Variants in QTMAN observed in about 807,000 individuals in gnomAD.
QTMAN encodes the protein queuosine-tRNA mannosyltransferase, also known as tRNA-queuosine alpha-mannosyltransferase.
the QTMAN span, among the ~76,000 whole-genome samples, chr2:144,293,600 A>T: frequency 1.3e-5 from 2 of 152,330 alleles, no homozygotes; most frequent in South Asian, 2.1e-4. Context: ...TTTCAAACTG[A>T]ACTAAGTAAA....
At chr2:144,108,249 G>C in the QTMAN span, among the ~76,000 whole-genome samples, 3 of 152,140 alleles carry the variant, frequency 2.0e-5, no homozygotes, top group African/African-American at 7.2e-5. Flanking sequence ...TGGAAGTTCT[G>C]GCCAGGGCAA....
chr2:144,221,819 A>G, the QTMAN span, among the ~76,000 whole-genome samples: 6 of 152,226 alleles, frequency 3.9e-5, no homozygotes, highest in Non-Finnish European at 8.8e-5. Flanking sequence ...ATAGTGCTAT[A>G]GCGATTCAAA....
chr2:144,015,229 T>TC, the QTMAN span, among the ~76,000 whole-genome samples: 1 of 151,582 alleles, frequency 6.6e-6, no homozygotes, highest in African/African-American at 2.4e-5. Flanking sequence ...CGATCCCCAC[T>TC]CCCCCCTAAA....
chr2:144,329,634 A>G, the QTMAN span, among the ~76,000 whole-genome samples: 283 of 152,362 alleles, frequency 1.9e-3, 2 homozygotes, highest in African/African-American at 6.4e-3. Context: ...TCCCAATATC[A>G]GAGTGACTAA....
the QTMAN span, among the ~76,000 whole-genome samples, chr2:144,273,452 A>G: frequency 1.8e-4 from 28 of 152,120 alleles, no homozygotes; most frequent in African/African-American, 6.8e-4. Context: ...AAAACAGGAA[A>G]CAAGGCTGCT....
the QTMAN span, among the ~76,000 whole-genome samples, chr2:143,969,674 C>A: frequency 6.6e-5 from 10 of 152,144 alleles, no homozygotes; most frequent in African/African-American, 9.7e-5. Context: ...AAAGAAAATG[C>A]CCCTGAGCTG....
chr2:144,085,689 T>C, the QTMAN span, among the ~76,000 whole-genome samples: 3 of 152,178 alleles, frequency 2.0e-5, no homozygotes, highest in Non-Finnish European at 4.4e-5. Flanking sequence ...AACCAGGTAC[T>C]GCTCCAGAAT....
the QTMAN span, among the ~76,000 whole-genome samples, chr2:144,311,319 T>C: frequency 6.6e-6 from 1 of 152,230 alleles, no homozygotes; most frequent in African/African-American, 2.4e-5. Context: ...TACATTTTAC[T>C]GTTTTAAATC....
the QTMAN span, among the ~76,000 whole-genome samples, chr2:144,218,916 A>T: frequency 9.7e-5 from 11 of 113,200 alleles, no homozygotes; most frequent in African/African-American, 3.5e-4. Context: ...GAAAGTATCT[A>T]AAAAAAAAAA....
the QTMAN span, among the ~76,000 whole-genome samples, chr2:144,261,253 A>G: frequency 6.6e-6 from 1 of 152,226 alleles, no homozygotes. Context: ...TTAAGAAACA[A>G]TCTTTAAGAA....
At chr2:143,994,882 G>T in the QTMAN span, among the ~76,000 whole-genome samples, 1 of 152,050 alleles carries the variant, frequency 6.6e-6, no homozygotes, top group Non-Finnish European at 1.5e-5. Context: ...TAAATTTTTT[G>T]ACATATAAAT....
the QTMAN span, among the ~76,000 whole-genome samples, chr2:144,042,064 T>C: frequency 6.6e-6 from 1 of 152,146 alleles, no homozygotes; most frequent in Non-Finnish European, 1.5e-5. Flanking sequence ...AAAAATGCTA[T>C]AGACAATTCT....
chr2:143,994,559 AGAAAG>A, the QTMAN span, among the ~76,000 whole-genome samples: 1 of 152,236 alleles, frequency 6.6e-6, no homozygotes, highest in African/African-American at 2.4e-5. Flanking sequence ...ATTCAGCATT[AGAAAG>A]GAAAGGACTA....
the QTMAN span, among the ~76,000 whole-genome samples, chr2:144,122,564 C>T: frequency 6.6e-6 from 1 of 152,100 alleles, no homozygotes; most frequent in African/African-American, 2.4e-5. Context: ...CTCTTTCAGC[C>T]TAAAGTTTTA....
At chr2:143,994,257 G>C in the QTMAN span, among the ~76,000 whole-genome samples, 1 of 152,102 alleles carries the variant, frequency 6.6e-6, no homozygotes, top group Non-Finnish European at 1.5e-5. Context: ...AGAAGAAGTA[G>C]CTCAATAAAC....
At chr2:144,188,747 A>C in the QTMAN span, among the ~76,000 whole-genome samples, 1 of 135,994 alleles carries the variant, frequency 7.4e-6, no homozygotes, top group East Asian at 2.3e-4. Context: ...TCCCTCAAAT[A>C]ATGAGAAAAA....
At chr2:144,246,428 CCGGG>C in the QTMAN span, among the ~76,000 whole-genome samples, 1 of 150,572 alleles carries the variant, frequency 6.6e-6, no homozygotes, top group African/African-American at 2.4e-5. Flanking sequence ...AAAAAATTAG[CCGGG>C]CGCGGTGGCG....
the QTMAN span, among the ~76,000 whole-genome samples, chr2:144,061,985 G>A: frequency 7.9e-5 from 12 of 152,112 alleles, no homozygotes; most frequent in Non-Finnish European, 1.6e-4. Context: ...ATCCTGCTGA[G>A]AGCCACCTCC....
At chr2:143,979,145 G>A in the QTMAN span, among the ~76,000 whole-genome samples, 1 of 151,542 alleles carries the variant, frequency 6.6e-6, no homozygotes, top group Non-Finnish European at 1.5e-5. Flanking sequence ...GAAAAATACA[G>A]TAATGTAACA....
Sources: allele counts gnomAD v4.1 joint callset (sites outside exome capture counted in the v4.1 genomes callset), GRCh38; gene constraint gnomAD v4.1.1; transcripts MANE v1.5; gene names NCBI Gene and HGNC (gene_info 2026-07-23, HGNC 2026-07-21).